The following CLTA variants were observed in gnomAD, a reference collection of about 807,000 sequenced individuals.
CLTA encodes clathrin, light polypeptide (Lca).
A neutral mutation model predicts 26.9 loss-of-function variants in CLTA; 9 were observed. That is an observed-to-expected ratio of 0.33 (90% CI 0.20 to 0.58). The LOEUF is 0.58. CLTA is among the 20% of genes least tolerant of loss of function. The pLI, the probability that CLTA is intolerant of heterozygous loss-of-function variation, is 0.85. For synonymous variants in CLTA, 120 were observed against 115.5 expected, an observed-to-expected ratio of 1.04 and a Z score of -0.25; for missense variants, 278 against 294.2, an observed-to-expected ratio of 0.94 and a Z score of 0.40.
intron 4 of CLTA, 145 bp downstream of exon 4, chr9:36,204,324 A>G (rs1827595877): frequency 3.6e-6 from 3 of 842,354 alleles, no homozygotes. Context: ...ACAGGTTGCA[A>G]GTCTCTCGGG....
rs778711876 is a variant in CLTA at position 36,190,966 on chromosome 9, C to T, written c.-91C>T. 2.9e-5 allele frequency: 42 copies of T among 1,449,988 alleles called. No individual in the cohort carries two copies. The East Asian group carries it at 3.6e-4, about 12-fold the overall frequency. The allele number at this position is 1,449,988 out of a possible 1,614,324, so 89.8% of individuals were successfully genotyped here. A position where few individuals can be genotyped will look rare whatever the true frequency, so the allele number is the denominator to read the frequency against. ...CTGGCGCTTGTCCTCCTCTCCCAGT[C>T]GGCACCACAGCGGTGGCTGCCGGGC... On this transcript the variant is annotated 5_prime_UTR_variant, in exon 1 of 5. Coordinates refer to ENST00000345519, the MANE Select transcript of CLTA (RefSeq NM_001833.4).
chr9:36,204,013 C>G (rs1293387080), intron 3 of CLTA, 55 bp from the exon 4 acceptor site: 1 of 1,605,284 alleles, frequency 6.2e-7, no homozygotes, highest in African/African-American at 1.3e-5. Flanking sequence ...AACTGATGAA[C>G]TTCAGTTTGC....
chr9:36,205,735 C>CA (rs774018792), intron 4 of CLTA, among the ~76,000 whole-genome samples: 50 of 146,726 alleles, frequency 3.4e-4, no homozygotes, highest in Non-Finnish European at 5.4e-4. Context: ...CCGTTGTTCT[C>CA]AGAGGGAGTA....
intron 3 of CLTA, among the ~76,000 whole-genome samples, chr9:36,202,412 CCTT>C (rs762452552): frequency 2.0e-5 from 3 of 152,244 alleles, no homozygotes; most frequent in Non-Finnish European, 4.4e-5. Flanking sequence ...TATCTACTCT[CCTT>C]CTCAAAGACA....
chr9:36,200,950 A>G (rs146189899), intron 3 of CLTA, among the ~76,000 whole-genome samples: 1 of 152,322 alleles, frequency 6.6e-6, no homozygotes, highest in Non-Finnish European at 1.5e-5. Context: ...CTTAGAGGCA[A>G]GATTTAGCTG....
chr9:36,199,159 T>A, intron 3 of CLTA, 63 bp downstream of exon 3: 1 of 994,100 alleles, frequency 1.0e-6, no homozygotes. Flanking sequence ...TGGACTCTAC[T>A]TTTATTCCTT....
intron 1 of CLTA, among the ~76,000 whole-genome samples, chr9:36,191,566 A>G (rs1826722558): frequency 6.6e-6 from 1 of 152,064 alleles, no homozygotes; most frequent in Admixed American, 6.5e-5. Context: ...TTCATTAAGC[A>G]TTTGCTGTGC....
At chr9:36,200,511 A>T (rs998464177) in intron 3 of CLTA, among the ~76,000 whole-genome samples, 7 of 152,182 alleles carry the variant, frequency 4.6e-5, no homozygotes, top group Non-Finnish European at 1.0e-4. Flanking sequence ...ATGAGTCCTT[A>T]TTTTTCAGAT....
chr9:36,192,441 C>G (rs1265994850), intron 1 of CLTA, among the ~76,000 whole-genome samples: 1 of 152,168 alleles, frequency 6.6e-6, no homozygotes, highest in Non-Finnish European at 1.5e-5. Flanking sequence ...TTTGCAGCCT[C>G]TTGAGTTTTT....
chr9:36,198,974 T>A lies in CLTA; in HGVS notation c.256-5T>A. ...TAATATAGCACAATTGTGTTTTGTG[T>A]TAAGGAAAGTAATGGTCCAACAGAC... is the stretch of plus-strand genomic sequence containing the variant. On this transcript the variant is annotated splice_region_variant and splice_polypyrimidine_tract_variant and intron_variant, in intron 2 of 4. Transcript: ENST00000345519. 2 of 1,599,416 alleles carry A rather than the reference T, an allele frequency of 1.3e-6. No individual in the cohort carries two copies. The highest frequency in any genetic ancestry group is 1.7e-6 in the Non-Finnish European group (2 of 1,166,782).
intron 3 of CLTA, among the ~76,000 whole-genome samples, chr9:36,201,781 A>G (rs1020999381): frequency 2.0e-5 from 3 of 152,126 alleles, no homozygotes; most frequent in African/African-American, 4.8e-5. Context: ...TGCATTCCAC[A>G]TCTGTACTTC....
rs749101121 is a variant in CLTA at position 36,191,173 on chromosome 9, A to G, written c.117A>G (p.Gln39=). ...EDPAAAFLAQ[Q]ESEIAGIEND... ...CGGCTGCGGCCTTCTTGGCGCAGCA[A>G]GAGAGCGAGATTGCGGGCATCGAGA... Residue 39 remains glutamine (Q), a synonymous_variant, in exon 1 of 5, where the codon CAA becomes CAG. Transcript: ENST00000345519. The G allele has an allele frequency of 1.4e-5, 23 of 1,594,610 alleles. No individual in the cohort carries two copies. The South Asian group carries it at 2.1e-4, about 15-fold the overall frequency.
chr9:36,191,021 C>T lies in CLTA; in HGVS notation c.-36C>T, dbSNP rs374267432. ...TGTCGGTGGGTCGGTTGGTTTTTGTCTCACCGTTGGTGTCCGTGCCGTTCA... is the reference window on the plus strand; with the variant it reads ...TGTCGGTGGGTCGGTTGGTTTTTGTTTCACCGTTGGTGTCCGTGCCGTTCA... On this transcript the variant is annotated 5_prime_UTR_variant, in exon 1 of 5. Transcript: ENST00000345519. 4 of 1,487,536 alleles carry T rather than the reference C, an allele frequency of 2.7e-6. No individual in the cohort carries two copies. The highest frequency in any genetic ancestry group is 3.5e-6 in the Non-Finnish European group (4 of 1,129,300). The allele number at this position is 1,487,536 out of a possible 1,614,324, so 92.1% of individuals were successfully genotyped here.
intron 3 of CLTA, 145 bp downstream of exon 3, chr9:36,199,241 C>A: frequency 1.5e-6 from 1 of 679,384 alleles, no homozygotes; most frequent in Non-Finnish European, 2.7e-6. Flanking sequence ...GGTTACAAGG[C>A]TACCTGCACA....
chr9:36,191,137 C>T lies in CLTA; in HGVS notation c.81C>T (p.Gly27=). The T allele has an allele frequency of 2.5e-6, 4 of 1,600,576 alleles. No homozygotes were observed. The highest frequency in any genetic ancestry group is 3.4e-6 in the Non-Finnish European group (4 of 1,175,986). The change falls in exon 1 of 5, where the codon GGC becomes GGT. Residue 27 remains glycine, a synonymous_variant. Transcript: ENST00000345519. ...TGGGGAACGGAGTGGCCGGCGCCGG[C>T]GAAGAAGACCCGGCTGCGGCCTTCT... is the stretch of plus-strand genomic sequence containing the variant. ...PALGNGVAGA[G]EEDPAAAFLA... is the part of the protein sequence containing the mutation.
chr9:36,204,073 A>G lies in CLTA; in HGVS notation c.379A>G (p.Asn127Asp). ...TCTCTTCTCTCCCTTCAAAGATGCC[A>G]ATTCTCGGAAGCAAGAAGCAGAGTG... ...QMERLEALDA[N>D]SRKQEAEWKE... Residue 127 changes from asparagine to aspartate, a missense_variant, in exon 4 of 5, where the codon AAT becomes GAT. Asn to Asp is a conservative substitution (Grantham distance 23). Transcript: ENST00000345519. 6.2e-7 allele frequency: 1 copy of G among 1,614,124 alleles called. No homozygotes were observed. The highest frequency in any genetic ancestry group is 8.5e-7 in the Non-Finnish European group (1 of 1,179,974).
chr9:36,197,154 G>A (rs949947106), intron 1 of CLTA, among the ~76,000 whole-genome samples: 10 of 152,196 alleles, frequency 6.6e-5, no homozygotes, highest in African/African-American at 1.4e-4. Flanking sequence ...CAGCCTGGGC[G>A]ACAGAGCAAG....
At position 36,198,990 on chromosome 9, in the gene CLTA, T is replaced by C; in HGVS notation, c.267T>C (p.Gly89=). ...MNGEYYQESN[G]PTDSYAAISQ... ...TGTTTTGTGTTAAGGAAAGTAATGGTCCAACAGACAGTTATGCAGCTATTT... is the reference window on the plus strand; with the variant it reads ...TGTTTTGTGTTAAGGAAAGTAATGGCCCAACAGACAGTTATGCAGCTATTT... The change falls in exon 3 of 5, where the codon GGT becomes GGC. Residue 89 remains glycine (G), a synonymous_variant. Transcript: ENST00000345519. 6.2e-7 allele frequency: 1 copy of C among 1,612,416 alleles called. No individual in the cohort carries two copies.
chr9:36,208,397 A>G (rs959763648), intron 4 of CLTA, among the ~76,000 whole-genome samples: 2 of 152,206 alleles, frequency 1.3e-5, no homozygotes, highest in Admixed American at 6.5e-5. Context: ...TCTGGGCTGC[A>G]CCTTATCAAA....
Sources: allele counts gnomAD v4.1 joint callset (sites outside exome capture counted in the v4.1 genomes callset), GRCh38; gene constraint gnomAD v4.1.1; transcripts MANE v1.5; gene names NCBI Gene and HGNC (gene_info 2026-07-23, HGNC 2026-07-21).